RGSL1: variants seen among roughly 807,000 people sequenced by gnomAD.
RGSL1 encodes the protein regulator of G protein signaling like 1.
RGSL1 carries 97 observed loss-of-function variants against 124.7 expected under a neutral mutation model. That is an observed-to-expected ratio of 0.78 (90% CI 0.66 to 0.92). The LOEUF is 0.92. Among genes scored for constraint, RGSL1 ranks in the 40% least tolerant of loss-of-function variants. RGSL1 has a pLI of 0.00. For synonymous variants in RGSL1, 424 were observed against 438.1 expected (o/e 0.97, Z 0.40); for missense variants, 1,233 against 1,288.4 (o/e 0.96, Z 0.66).
chr1:182,523,199 T>G (rs571395), intron 10 of RGSL1, among the ~76,000 whole-genome samples: 1,257 of 6,040 alleles, frequency 0.21, 41 homozygotes, highest in Middle Eastern at 0.38. Context: ...ACCATGCCTG[T>G]TTTTTTTTCT....
At chr1:182,455,043 A>AATG (rs1652186767) in intron 2 of RGSL1, among the ~76,000 whole-genome samples, 2 of 152,264 alleles carry the variant, frequency 1.3e-5, no homozygotes, top group African/African-American at 2.4e-5. Flanking sequence ...TGCACATATT[A>AATG]ATGACACCAT....
intron 6 of RGSL1, among the ~76,000 whole-genome samples, chr1:182,486,162 G>T (rs1397298578): frequency 6.6e-6 from 1 of 151,964 alleles, no homozygotes; most frequent in East Asian, 1.9e-4. Flanking sequence ...CTATTATAGG[G>T]TTTTTAGATG....
chr1:182,496,549 C>T (rs527429989), intron 9 of RGSL1, among the ~76,000 whole-genome samples: 1 of 152,142 alleles, frequency 6.6e-6, no homozygotes, highest in Non-Finnish European at 1.5e-5. Context: ...CAAGATTATC[C>T]TTTTCAGGTC....
Position 182,474,049 on chromosome 1 carries a change from A to G in RGSL1, c.938A>G (p.His313Arg), listed in dbSNP as rs1167699798. 6.4e-7 allele frequency: 1 copy of G among 1,551,824 alleles called. No homozygotes were observed. Among genetic ancestry groups the G allele is most frequent in the Non-Finnish European group, 8.7e-7 (1 of 1,147,006 alleles). ...TRISSLEKDM[H>R]YAKISSMENK... ...ATCAGTTCCCTGGAAAAGGATATGC[A>G]TTATGCAAAAATATCCAGCATGGAG... The change falls in exon 6 of 22, where the codon CAT becomes CGT. Residue 313 changes from histidine (H) to arginine (R), a missense_variant. Physicochemically the swap from His to Arg is conservative, Grantham distance 29. Transcript: ENST00000294854.
In RGSL1 at chr1:182,530,810, T is replaced by A; in HGVS notation, c.2264T>A (p.Leu755Gln). 6.5e-7 allele frequency: 1 copy of A among 1,546,916 alleles called. No homozygotes were observed. Among genetic ancestry groups the A allele is most frequent in the South Asian group, 1.2e-5 (1 of 83,300 alleles). Reference sequence around the variant, plus strand: ...GACAGGTTTAAAGATTATCAAGACCTGTTCCCACCTCACCATCAGGAGGTG... The same window carrying A: ...GACAGGTTTAAAGATTATCAAGACCAGTTCCCACCTCACCATCAGGAGGTG... The part of the protein sequence containing the change: ...EEKWFKDYQD[L>Q]FPPHHQEVEV... The change falls in exon 13 of 22, where the codon CTG becomes CAG. Residue 755 changes from leucine (L) to glutamine (Q), a missense_variant. Coordinates refer to ENST00000294854, the MANE Select transcript of RGSL1 (RefSeq NM_001137669.2).
intron 9 of RGSL1, among the ~76,000 whole-genome samples, chr1:182,501,279 T>TC (rs398103434): frequency 5.8e-4 from 84 of 144,244 alleles, no homozygotes; most frequent in African/African-American, 1.9e-3. Flanking sequence ...TTTCTTTCTT[T>TC]TTTTTCTTTT....
intron 4 of RGSL1, among the ~76,000 whole-genome samples, chr1:182,469,761 C>T (rs1311249413): frequency 1.3e-5 from 2 of 152,064 alleles, no homozygotes; most frequent in African/African-American, 2.4e-5. Flanking sequence ...AAGAAACCAT[C>T]AATGGATGAA....
chr1:182,515,215 G>T (rs112502702), intron 9 of RGSL1, among the ~76,000 whole-genome samples: 1 of 152,156 alleles, frequency 6.6e-6, no homozygotes, highest in Non-Finnish European at 1.5e-5. Context: ...GCAACTTTGC[G>T]TTCCCTGGGC....
intron 10 of RGSL1, among the ~76,000 whole-genome samples, chr1:182,526,272 A>G (rs1401224332): frequency 6.6e-6 from 1 of 152,214 alleles, no homozygotes; most frequent in Non-Finnish European, 1.5e-5. Context: ...AGCCAGACTG[A>G]AGACATCATA....
At chr1:182,479,298 G>A (rs1054603421) in intron 6 of RGSL1, among the ~76,000 whole-genome samples, 2 of 152,076 alleles carry the variant, frequency 1.3e-5, no homozygotes, top group Non-Finnish European at 2.9e-5. Flanking sequence ...ATTAGTTAAT[G>A]AAAACACAAT....
chr1:182,548,165 A>G (rs986142805), intron 15 of RGSL1, among the ~76,000 whole-genome samples, 152 bp from the exon 16 acceptor site: 1 of 152,172 alleles, frequency 6.6e-6, no homozygotes, highest in African/African-American at 2.4e-5. Flanking sequence ...GTATTTGCCA[A>G]TGGATGAATT....
chr1:182,515,622 T>C (rs1657821602), intron 9 of RGSL1, among the ~76,000 whole-genome samples: 1 of 151,668 alleles, frequency 6.6e-6, no homozygotes, highest in African/African-American at 2.4e-5. Context: ...CTTTAATTAT[T>C]GTATCTTTCC....
chr1:182,526,664 T>G (rs1658769843), intron 10 of RGSL1, among the ~76,000 whole-genome samples: 2 of 152,140 alleles, frequency 1.3e-5, no homozygotes, highest in South Asian at 2.1e-4. Context: ...CAAGTGGAAT[T>G]TATCCTAGGA....
At chr1:182,486,785 C>A (rs138633814) in intron 6 of RGSL1, among the ~76,000 whole-genome samples, 1 of 152,224 alleles carries the variant, frequency 6.6e-6, no homozygotes, top group East Asian at 1.9e-4. Flanking sequence ...AAGCAATTCT[C>A]CTGCCTCAGC....
At chr1:182,479,768 G>A (rs77834282) in intron 6 of RGSL1, among the ~76,000 whole-genome samples, 158 of 152,240 alleles carry the variant, frequency 1.0e-3, no homozygotes, top group African/African-American at 3.6e-3. Flanking sequence ...ACACAGATAG[G>A]CTGAAAGTGA....
chr1:182,508,542 A>T (rs1029898578), intron 9 of RGSL1, among the ~76,000 whole-genome samples: 1 of 149,964 alleles, frequency 6.7e-6, no homozygotes, highest in Admixed American at 6.6e-5. Flanking sequence ...CAGGTGATCC[A>T]CCCGCCTCAG....
chr1:182,450,021 C>T (rs1191257403), upstream of RGSL1: 6 of 913,676 alleles, frequency 6.6e-6, no homozygotes, highest in Non-Finnish European at 1.0e-5. Context: ...TTAAGGCCTA[C>T]ACCAGAGGTA....
In RGSL1 at chr1:182,463,513, A is replaced by G. The variant is rs934650044; in HGVS notation, c.301+3380A>G. ...AAAGAAAGCAGGGGTGCCTATAATG[A>G]TATCAGACAAAATAGACTTTATTTA... On this transcript the variant is annotated intron_variant, in intron 4 of 21. Transcript: ENST00000294854. 2.6e-5 allele frequency among the ~76,000 whole-genome samples: 4 copies of G among 152,288 alleles called. No homozygotes were observed. The South Asian group carries it at 6.2e-4, about 24-fold the overall frequency.
At chr1:182,543,162 A>C (rs1220169253) in intron 15 of RGSL1, among the ~76,000 whole-genome samples, 1 of 152,136 alleles carries the variant, frequency 6.6e-6, no homozygotes, top group East Asian at 1.9e-4. Context: ...ATTTTTCCCC[A>C]TTCTATATGA....
Sources: gnomAD v4.1 joint callset for allele counts (sites outside exome capture counted in the v4.1 genomes callset) on GRCh38, gnomAD v4.1.1 for gene constraint, MANE v1.5 for transcripts, NCBI Gene and HGNC (gene_info 2026-07-23, HGNC 2026-07-21) for gene names.